Variants in SLC16A7 observed in about 807,000 individuals in gnomAD.
SLC16A7 encodes the protein monocarboxylate transporter 2.
Under a neutral mutation model 34.9 loss-of-function variants are expected in SLC16A7, and 33 were observed. The ratio of observed to expected loss-of-function variants is 0.94; its 90% confidence interval spans 0.72 to 1.26. The LOEUF (loss-of-function observed/expected upper bound fraction) is 1.26. Ranked by LOEUF, SLC16A7 falls within the 50% of genes most tolerant of loss-of-function variation. SLC16A7 has a pLI of 0.00. For missense variants in SLC16A7, 573 were observed against 578.1 expected (o/e 0.99, Z 0.09); for synonymous variants, 201 against 206.6 (o/e 0.97, Z 0.23).
intron 1 of SLC16A7, among the ~76,000 whole-genome samples, chr12:59,639,937 C>T (rs1252583246): frequency 6.6e-6 from 1 of 152,158 alleles, no homozygotes; most frequent in Non-Finnish European, 1.5e-5. Flanking sequence ...TTCTGTCCAA[C>T]ATGGCCACAA....
At chr12:59,616,522 AAAG>A (rs373388369) in intron 1 of SLC16A7, among the ~76,000 whole-genome samples, 14 of 152,254 alleles carry the variant, frequency 9.2e-5, no homozygotes, top group African/African-American at 2.9e-4. Flanking sequence ...AAAATACAAA[AAAG>A]AAATATGTGC....
chr12:59,769,663 T>TAAA (rs1882032148), intron 3 of SLC16A7, among the ~76,000 whole-genome samples: 1 of 152,094 alleles, frequency 6.6e-6, no homozygotes, highest in African/African-American at 2.4e-5. Context: ...AGTTTAATTT[T>TAAA]AAATTTTTTT....
intron 3 of SLC16A7, among the ~76,000 whole-genome samples, chr12:59,762,002 G>C (rs959827735): frequency 6.6e-6 from 1 of 152,024 alleles, no homozygotes; most frequent in Non-Finnish European, 1.5e-5. Context: ...GTATTAAGGG[G>C]ATTCCATCTT....
intron 2 of SLC16A7, among the ~76,000 whole-genome samples, chr12:59,672,229 TGC>T (rs1869925635): frequency 8.5e-6 from 1 of 117,524 alleles, no homozygotes. Flanking sequence ...TGTGTATATA[TGC>T]ATATATACGT....
intron 5 of SLC16A7, among the ~76,000 whole-genome samples, chr12:59,777,627 CCTT>C (rs1482680426): frequency 6.6e-6 from 1 of 150,832 alleles, no homozygotes; most frequent in Non-Finnish European, 1.5e-5. Context: ...ATTATTTAAT[CCTT>C]AAAATATTTC....
At chr12:59,680,510 TTTCTCCACCTC>T (rs2137071880) in intron 2 of SLC16A7, among the ~76,000 whole-genome samples, 1 of 152,200 alleles carries the variant, frequency 6.6e-6, no homozygotes, top group African/African-American at 2.4e-5. Context: ...AAAATGAAAA[TTTCTCCACCTC>T]TTACATTCTT....
chr12:59,735,878 C>T, intron 3 of SLC16A7: 1 of 1,030,768 alleles, frequency 9.7e-7, no homozygotes, highest in African/African-American at 1.7e-5. Flanking sequence ...TAGAATAAAA[C>T]TAACCTTTCA....
intron 1 of SLC16A7, among the ~76,000 whole-genome samples, chr12:59,641,250 T>A (rs1565628450): frequency 6.6e-6 from 1 of 152,084 alleles, no homozygotes; most frequent in Non-Finnish European, 1.5e-5. Context: ...ATTCTTATAA[T>A]CCTTTTTAAA....
chr12:59,702,354 T>C (rs919698461), intron 2 of SLC16A7, among the ~76,000 whole-genome samples: 9 of 151,926 alleles, frequency 5.9e-5, no homozygotes, highest in Non-Finnish European at 1.3e-4. Flanking sequence ...AATTAATAGA[T>C]GAATAGATAG....
intron 1 of SLC16A7, among the ~76,000 whole-genome samples, chr12:59,636,522 T>C (rs1169192788): frequency 2.6e-5 from 4 of 152,130 alleles, no homozygotes; most frequent in African/African-American, 7.2e-5. Context: ...TGTAGTGCAA[T>C]GGCACAATCA....
Position 59,788,864 on chromosome 12 carries a change from A to G in SLC16A7, c.*9185A>G, listed in dbSNP as rs1883799975. On this transcript the variant is annotated 3_prime_UTR_variant, in exon 6 of 6. Coordinates refer to ENST00000547379, the MANE Select transcript of SLC16A7 (RefSeq NM_001270623.2). ...AAATCAGGAATATTTTACGTTGTTG[A>G]TCATTTTTAAAGTATATTTTGTTCA... 1 of 152,072 alleles carries G rather than the reference A, an allele frequency of 6.6e-6. No homozygotes were observed. Among genetic ancestry groups the G allele is most frequent in the Admixed American group, 6.6e-5 (1 of 15,264 alleles). 9.4% of individuals were successfully genotyped at this position (152,072 alleles called of 1,614,324 possible). A position where few individuals can be genotyped will look rare whatever the true frequency, so the allele number is the denominator to read the frequency against.
intron 3 of SLC16A7, among the ~76,000 whole-genome samples, chr12:59,711,356 C>T (rs1277003689): frequency 1.3e-5 from 2 of 152,164 alleles, no homozygotes; most frequent in Non-Finnish European, 2.9e-5. Flanking sequence ...TTACTAGTCA[C>T]TCATGGGGAA....
chr12:59,759,844 C>G (rs939300210), intron 3 of SLC16A7, among the ~76,000 whole-genome samples: 1 of 152,000 alleles, frequency 6.6e-6, no homozygotes, highest in Non-Finnish European at 1.5e-5. Context: ...TATAAACAAT[C>G]TTTTTTCTTC....
intron 2 of SLC16A7, among the ~76,000 whole-genome samples, chr12:59,665,807 CACGT>C (rs919527355): frequency 6.7e-5 from 9 of 134,948 alleles, no homozygotes; most frequent in Non-Finnish European, 1.4e-4. Context: ...ATATATATAA[CACGT>C]GTGTGTGTGT....
intron 1 of SLC16A7, among the ~76,000 whole-genome samples, chr12:59,616,663 T>C (rs188764802): frequency 1.2e-3 from 180 of 152,128 alleles, no homozygotes; most frequent in African/African-American, 4.0e-3. Context: ...AGGGTAAAAA[T>C]AGGGAATGTT....
intron 1 of SLC16A7, among the ~76,000 whole-genome samples, chr12:59,608,625 A>T (rs1057081639): frequency 2.0e-5 from 3 of 152,184 alleles, no homozygotes; most frequent in Non-Finnish European, 2.9e-5. Flanking sequence ...GTACAGGAGG[A>T]TTTATAGACA....
At chr12:59,737,325 A>G (rs1189802013) in intron 3 of SLC16A7, among the ~76,000 whole-genome samples, 1 of 152,234 alleles carries the variant, frequency 6.6e-6, no homozygotes, top group African/African-American at 2.4e-5. Flanking sequence ...ATAATAAGTT[A>G]AAAATGCCAG....
chr12:59,601,051 A>T (rs1029839079), intron 1 of SLC16A7, among the ~76,000 whole-genome samples: 1 of 152,216 alleles, frequency 6.6e-6, no homozygotes, highest in Non-Finnish European at 1.5e-5. Flanking sequence ...TTGGCATTAA[A>T]ATAGCAACTT....
intron 3 of SLC16A7, among the ~76,000 whole-genome samples, chr12:59,715,068 C>T (rs1201434158): frequency 2.0e-5 from 3 of 152,144 alleles, no homozygotes; most frequent in Non-Finnish European, 4.4e-5. Context: ...GAGTACTCTC[C>T]TCCCTTTTAA....
Sources: allele counts gnomAD v4.1 joint callset (sites outside exome capture counted in the v4.1 genomes callset), GRCh38; gene constraint gnomAD v4.1.1; transcripts MANE v1.5; gene names NCBI Gene and HGNC (gene_info 2026-07-23, HGNC 2026-07-21).